The following EPHA6 variants were observed in gnomAD, a reference collection of about 807,000 sequenced individuals.
The protein encoded by EPHA6 is EPH receptor A6.
In EPHA6, 50 loss-of-function variants were observed where a neutral mutation model predicts 112.0. The ratio of observed to expected loss-of-function variants is 0.45; its 90% CI spans 0.36 to 0.56. The LOEUF (loss-of-function observed/expected upper bound fraction) is 0.56, where lower values mean the gene tolerates loss of function less well. EPHA6 is among the 20% of genes least tolerant of loss of function. EPHA6 has a pLI of 0.00. For synonymous variants in EPHA6, 529 were observed against 490.7 expected (o/e 1.08, Z -1.03); for missense variants, 1,280 against 1,417.4 (o/e 0.90, Z 1.56).
At chr3:96,891,213 A>G (rs2037941305) in intron 2 of EPHA6, among the ~76,000 whole-genome samples, 1 of 152,228 alleles carries the variant, frequency 6.6e-6, no homozygotes, top group Non-Finnish European at 1.5e-5. Flanking sequence ...TAAAATATAT[A>G]AATAAATGGT....
chr3:97,734,604 T>G (rs1309382811), intron 15 of EPHA6, among the ~76,000 whole-genome samples: 1 of 152,046 alleles, frequency 6.6e-6, no homozygotes, highest in East Asian at 1.9e-4. Flanking sequence ...CGTGAAGACA[T>G]ATTCTTCCTT....
At chr3:97,124,465 TAAAA>T (rs1398177324) in intron 3 of EPHA6, among the ~76,000 whole-genome samples, 2 of 108,724 alleles carry the variant, frequency 1.8e-5, no homozygotes, top group East Asian at 5.5e-4. Context: ...GCATTCTGTT[TAAAA>T]AAAGAAAGAA....
At chr3:97,592,557 C>G in intron 11 of EPHA6, 55 bp from the exon 12 acceptor site, 1 of 1,595,568 alleles carries the variant, frequency 6.3e-7, no homozygotes, top group South Asian at 1.1e-5. Flanking sequence ...TGTAAATGAT[C>G]AATGCTTTTC....
chr3:96,860,771 A>G (rs1453012466), intron 1 of EPHA6, among the ~76,000 whole-genome samples: 1 of 152,088 alleles, frequency 6.6e-6, no homozygotes, highest in African/African-American at 2.4e-5. Context: ...AGTCTTTTCT[A>G]CCTATTTAAT....
At chr3:97,593,762 T>C (rs867949825) in intron 12 of EPHA6, among the ~76,000 whole-genome samples, 15 of 152,340 alleles carry the variant, frequency 9.8e-5, no homozygotes, top group African/African-American at 2.6e-4. Context: ...TTCTACTTAA[T>C]TGAAACATAT....
Position 97,330,763 on chromosome 3 carries a change from A to T in EPHA6, c.1607-74387A>T, listed in dbSNP as rs146298246. 2.6e-3 allele frequency among the ~76,000 whole-genome samples: 389 copies of T among 152,258 alleles called. 2 individuals are homozygous for T. Among genetic ancestry groups the T allele is most frequent in the African/African-American group, 9.0e-3 (375 of 41,570 alleles). On this transcript the variant is annotated intron_variant, in intron 5 of 17. Transcript: ENST00000389672. ...TCATAAAACAAGTCCTTAGAGACCT[A>T]CAAAGTGACTTAGACTCCCAAAGAA...
chr3:97,335,235 CT>C (rs1277328819), intron 5 of EPHA6, among the ~76,000 whole-genome samples: 3 of 152,116 alleles, frequency 2.0e-5, no homozygotes, highest in Non-Finnish European at 4.4e-5. Context: ...CGTGCTTTCT[CT>C]TTTTTTCTTT....
intron 15 of EPHA6, among the ~76,000 whole-genome samples, chr3:97,720,909 A>G (rs2034499834): frequency 6.6e-6 from 1 of 152,128 alleles, no homozygotes; most frequent in Non-Finnish European, 1.5e-5. Context: ...TTTTGTTTCT[A>G]TTTTATCTAT....
intron 2 of EPHA6, among the ~76,000 whole-genome samples, chr3:96,950,106 C>G (rs1004021202): frequency 6.6e-6 from 1 of 152,120 alleles, no homozygotes; most frequent in Non-Finnish European, 1.5e-5. Context: ...CTGTGTTTAG[C>G]AGACATTAAA....
At chr3:97,347,950 T>A (rs1301377375) in intron 5 of EPHA6, among the ~76,000 whole-genome samples, 1 of 152,042 alleles carries the variant, frequency 6.6e-6, no homozygotes, top group Admixed American at 6.6e-5. Context: ...CTCTACAGAG[T>A]CTTATCTGAT....
intron 10 of EPHA6, among the ~76,000 whole-genome samples, chr3:97,508,918 C>CTTTGTCTT (rs1331929195): frequency 1.5e-5 from 2 of 130,414 alleles, no homozygotes; most frequent in East Asian, 4.8e-4. Flanking sequence ...TAATGCCCTG[C>CTTTGTCTT]TTTGTCTTTT....
In EPHA6 at chr3:97,685,092, T is replaced by C. The variant is rs115943345; in HGVS notation, c.2785-35169T>C. Among the ~76,000 whole-genome samples, 1,446 of 152,260 alleles carry C rather than the reference T, an allele frequency of 9.5e-3. 20 individuals carry two copies. The highest frequency in any genetic ancestry group is 0.033 in the African/African-American group (1,380 of 41,554). ...AGAAATTTGATAGGTTTTCCCAAATTTAGCAACCACAAGAAAAATTTATAT... is the reference window on the plus strand; with the variant it reads ...AGAAATTTGATAGGTTTTCCCAAATCTAGCAACCACAAGAAAAATTTATAT... On this transcript the variant is annotated intron_variant, in intron 14 of 17. Coordinates refer to ENST00000389672, the MANE Select transcript of EPHA6 (RefSeq NM_001080448.3).
chr3:97,006,818 T>G (rs2043898060), intron 3 of EPHA6, among the ~76,000 whole-genome samples: 1 of 152,178 alleles, frequency 6.6e-6, no homozygotes. Context: ...TTTGTTCTCA[T>G]TGATTTCAAA....
chr3:97,362,626 T>C (rs1041286026), intron 5 of EPHA6, among the ~76,000 whole-genome samples: 39 of 152,064 alleles, frequency 2.6e-4, no homozygotes, highest in Non-Finnish European at 4.7e-4. Context: ...ATTGTGTTAA[T>C]GTCATTTAGG....
chr3:97,220,279 C>T (rs1360749143), intron 3 of EPHA6, among the ~76,000 whole-genome samples: 4 of 152,200 alleles, frequency 2.6e-5, no homozygotes, highest in Non-Finnish European at 5.9e-5. Context: ...CCCACATCTT[C>T]CTGTCTTCTT....
rs868840110 is a variant in EPHA6, at chr3:97,242,177, C to T, written c.1271-1775C>T. On this transcript the variant is annotated intron_variant, in intron 4 of 17. Transcript: ENST00000389672. ...TGATGTACCTATAGGTAGCTGAGGT[C>T]CCTTCCTGTTGTACATAGAAAACTA... Among the ~76,000 whole-genome samples, 5 of 151,738 alleles carry T rather than the reference C, an allele frequency of 3.3e-5. No individual in the cohort carries two copies. The Middle Eastern group carries it at 0.014, about 413-fold the overall frequency.
intron 2 of EPHA6, among the ~76,000 whole-genome samples, chr3:96,909,949 C>G (rs1049183292): frequency 6.6e-6 from 1 of 151,876 alleles, no homozygotes; most frequent in Non-Finnish European, 1.5e-5. Flanking sequence ...TCTAAGCTTC[C>G]GCCTTTCTGT....
At chr3:97,702,545 CAG>C (rs752903475) in intron 14 of EPHA6, among the ~76,000 whole-genome samples, 156 of 152,302 alleles carry the variant, frequency 1.0e-3, no homozygotes, top group Non-Finnish European at 1.7e-3. Context: ...AAATGTAGCA[CAG>C]AGAGAAACTT....
At chr3:97,492,963 A>T (rs1466231480) in intron 10 of EPHA6, among the ~76,000 whole-genome samples, 1 of 148,330 alleles carries the variant, frequency 6.7e-6, no homozygotes, top group African/African-American at 2.6e-5. Flanking sequence ...TCTTCAAAAC[A>T]TAAGCTTTTC....
Sources: gnomAD v4.1 joint callset for allele counts (sites outside exome capture counted in the v4.1 genomes callset) on GRCh38, gnomAD v4.1.1 for gene constraint, MANE v1.5 for transcripts, NCBI Gene and HGNC (gene_info 2026-07-23, HGNC 2026-07-21) for gene names.